Variants in SCRG1 observed in about 807,000 individuals in gnomAD.
SCRG1 encodes the protein stimulator of chondrogenesis 1.
SCRG1 carries 3 observed loss-of-function variants against 7.7 expected under a neutral mutation model. The ratio of observed to expected loss-of-function variants is 0.39; its 90% CI spans 0.18 to 1.01. The LOEUF (loss-of-function observed/expected upper bound fraction) is 1.01, where lower values mean the gene tolerates loss of function less well. Ranked by LOEUF, SCRG1 falls within the 50% of genes least tolerant of loss-of-function variation. The pLI is 0.36. For synonymous variants in SCRG1, 46 were observed against 41.2 expected, an observed-to-expected ratio of 1.12 and a Z score of -0.44; for missense variants, 110 against 117.2, an observed-to-expected ratio of 0.94 and a Z score of 0.28.
chr4:173,407,072 G>T (rs1488005850), upstream of SCRG1, among the ~76,000 whole-genome samples: 1 of 150,846 alleles, frequency 6.6e-6, no homozygotes, highest in East Asian at 2.0e-4. Context: ...AGCCAGGCAT[G>T]GGGGCACATG....
At chr4:173,488,426 C>T in the SCRG1 span, among the ~76,000 whole-genome samples, 1,276 of 152,214 alleles carry the variant, frequency 8.4e-3, 27 homozygotes, top group Admixed American at 0.05. Context: ...TACAGGTAAC[C>T]ATGGAAGAAC....
At chr4:173,446,314 G>T in the SCRG1 span, among the ~76,000 whole-genome samples, 14 of 152,052 alleles carry the variant, frequency 9.2e-5, no homozygotes, top group Non-Finnish European at 2.9e-5. Flanking sequence ...AGCAATGCTG[G>T]TTAAAACTGC....
the SCRG1 span, among the ~76,000 whole-genome samples, chr4:173,455,725 A>G: frequency 6.6e-6 from 1 of 152,190 alleles, no homozygotes; most frequent in Admixed American, 6.5e-5. Context: ...ATGGAAAATG[A>G]CCGCGCCCAA....
chr4:173,392,949 G>A (rs1473274962), intron 1 of SCRG1, among the ~76,000 whole-genome samples: 1 of 152,164 alleles, frequency 6.6e-6, no homozygotes. Context: ...AAAGTAGCCA[G>A]GCATGGTGGC....
the SCRG1 span, among the ~76,000 whole-genome samples, chr4:173,504,514 G>T: frequency 6.6e-6 from 1 of 152,184 alleles, no homozygotes; most frequent in Non-Finnish European, 1.5e-5. The surrounding 1 kb of genome is among the most constrained non-coding windows in gnomAD (Gnocchi z 4.7). Context: ...ATTGAATAAA[G>T]GTATTGGACT....
At chr4:173,514,531 C>A in the SCRG1 span, among the ~76,000 whole-genome samples, 2 of 152,232 alleles carry the variant, frequency 1.3e-5, no homozygotes, top group Admixed American at 1.3e-4. Context: ...TACTCATGAA[C>A]TTTAAGTTTA....
the SCRG1 span, among the ~76,000 whole-genome samples, chr4:173,479,456 T>A: frequency 6.6e-6 from 1 of 150,386 alleles, no homozygotes; most frequent in Non-Finnish European, 1.5e-5. Flanking sequence ...TTTTTTTTTT[T>A]TTGAGACAGA....
chr4:173,425,028 C>A, the SCRG1 span, among the ~76,000 whole-genome samples: 1 of 152,142 alleles, frequency 6.6e-6, no homozygotes, highest in African/African-American at 2.4e-5. Flanking sequence ...TCATTTATTT[C>A]TGCCAACTTT....
chr4:173,515,588 G>GTC, the SCRG1 span, among the ~76,000 whole-genome samples: 3 of 148,160 alleles, frequency 2.0e-5, no homozygotes, highest in Admixed American at 1.3e-4. This position sits in a 1 kb window ranked among gnomAD's most constrained non-coding sequence, Gnocchi z 4.6. Flanking sequence ...GTGTGTGTCT[G>GTC]TGTGTGTGTG....
chr4:173,406,014 T>C (rs1174735902), intron 1 of SCRG1, among the ~76,000 whole-genome samples: 1 of 152,256 alleles, frequency 6.6e-6, no homozygotes, highest in Non-Finnish European at 1.5e-5. Context: ...TACCAACCTG[T>C]GTAAATACAC....
chr4:173,404,403 C>T (rs953242842), exon 2 of SCRG1: 1 of 152,148 alleles, frequency 6.6e-6, no homozygotes, highest in African/African-American at 2.4e-5. Flanking sequence ...ACTGGACAGT[C>T]AGAAACTTAA....
At chr4:173,421,709 G>A in the SCRG1 span, among the ~76,000 whole-genome samples, 1 of 152,162 alleles carries the variant, frequency 6.6e-6, no homozygotes, top group African/African-American at 2.4e-5. Flanking sequence ...AAGGATAAAT[G>A]CAGGGGTAGA....
At chr4:173,462,953 G>A in the SCRG1 span, among the ~76,000 whole-genome samples, 3 of 151,784 alleles carry the variant, frequency 2.0e-5, no homozygotes, top group Non-Finnish European at 4.4e-5. Flanking sequence ...AACATACAAC[G>A]GACACACAAA....
chr4:173,423,233 A>G, the SCRG1 span, among the ~76,000 whole-genome samples: 1 of 152,224 alleles, frequency 6.6e-6, no homozygotes, highest in Admixed American at 6.5e-5. Context: ...TTTATCACCA[A>G]TAGTGTTGCT....
At chr4:173,438,724 T>A in the SCRG1 span, among the ~76,000 whole-genome samples, 2 of 152,082 alleles carry the variant, frequency 1.3e-5, no homozygotes. Context: ...ATCTTTTTTT[T>A]AATTCAGTTT....
At chr4:173,461,417 G>A in the SCRG1 span, among the ~76,000 whole-genome samples, 1 of 152,236 alleles carries the variant, frequency 6.6e-6, no homozygotes, top group Non-Finnish European at 1.5e-5. Context: ...AAGAGTCTCT[G>A]CCTGGTAATC....
At chr4:173,428,246 C>G in the SCRG1 span, among the ~76,000 whole-genome samples, 3 of 152,196 alleles carry the variant, frequency 2.0e-5, no homozygotes, top group African/African-American at 4.8e-5. Context: ...CAATATAATT[C>G]ATGTCAGAAA....
intron 1 of SCRG1, among the ~76,000 whole-genome samples, chr4:173,396,391 GC>G (rs993677018): frequency 1.3e-5 from 2 of 152,132 alleles, no homozygotes; most frequent in African/African-American, 2.4e-5. Context: ...AAGAGATGAG[GC>G]AAAGGGCTGA....
At chr4:173,486,461 T>A in the SCRG1 span, among the ~76,000 whole-genome samples, 4 of 152,156 alleles carry the variant, frequency 2.6e-5, 1 homozygote, top group East Asian at 3.9e-4. Flanking sequence ...TCATCTAGAA[T>A]GTTAACCTCC....
Sources: allele counts gnomAD v4.1 joint callset (sites outside exome capture counted in the v4.1 genomes callset), GRCh38; gene constraint gnomAD v4.1.1; non-coding constraint Gnocchi (gnomAD v3.1); transcripts MANE v1.5; gene names NCBI Gene and HGNC (gene_info 2026-07-23, HGNC 2026-07-21).